The following JADE3 variants were observed in gnomAD, a reference collection of about 807,000 sequenced individuals.
The protein encoded by JADE3 is protein Jade-3.
A neutral mutation model predicts 50.1 loss-of-function variants in JADE3; 2 were observed. The observed-to-expected ratio is 0.04, with a 90% CI of 0.02 to 0.13. The LOEUF (loss-of-function observed/expected upper bound fraction) is 0.13, where lower values mean the gene tolerates loss of function less well. Among genes scored for constraint, JADE3 ranks in the 10% least tolerant of loss-of-function variants. The pLI, the probability that JADE3 is intolerant of heterozygous loss-of-function variation, is 1.00. For synonymous variants in JADE3, 218 were observed against 232.9 expected (o/e 0.94, Z 0.58); for missense variants, 475 against 634.4 (o/e 0.75, Z 2.70).
chrX:47,010,250 C>T (rs782762771), intron 4 of JADE3, among the ~76,000 whole-genome samples: 5 of 110,233 alleles, frequency 4.5e-5, no homozygotes, highest in Admixed American at 9.7e-5. Flanking sequence ...TATTTTGAGA[C>T]GGAGTTTCGC....
chrX:47,046,163 CAAAT>C (rs781989791), intron 8 of JADE3, among the ~76,000 whole-genome samples: 4 of 110,732 alleles, frequency 3.6e-5, no homozygotes, highest in Non-Finnish European at 7.6e-5. Context: ...AGAGAAACCC[CAAAT>C]AAATAAAATC....
intron 3 of JADE3, among the ~76,000 whole-genome samples, chrX:46,994,669 C>A (rs1928085759): frequency 8.9e-6 from 1 of 111,940 alleles, no homozygotes; most frequent in African/African-American, 3.3e-5. Flanking sequence ...CCAAACCATG[C>A]ACATTTTAAC....
Position 47,058,450 on chromosome X carries a change from A to G in JADE3, c.1845A>G (p.Glu615=), listed in dbSNP as rs1029959628. Reference sequence around the variant, plus strand: ...CCAGTCTCAGCCATTCTAGGAGTGAAGCAAAGGAGTCCAGTCCTGCTTGGA... The same window carrying G: ...CCAGTCTCAGCCATTCTAGGAGTGAGGCAAAGGAGTCCAGTCCTGCTTGGA... ...LLASLSHSRS[E]AKESSPAWRT... Residue 615 remains glutamate, a synonymous_variant, in exon 11 of 11, where the codon GAA becomes GAG. Coordinates refer to ENST00000614628, the MANE Select transcript of JADE3 (RefSeq NM_014735.5). 2 of 1,211,607 alleles carry G rather than the reference A, an allele frequency of 1.7e-6. No homozygotes were observed. Among genetic ancestry groups the G allele is most frequent in the Admixed American group, 4.3e-5 (2 of 45,988 alleles).
At chrX:46,949,210 A>T (rs1221767549) in intron 1 of JADE3, among the ~76,000 whole-genome samples, 1 of 111,393 alleles carries the variant, frequency 9.0e-6, no homozygotes, top group Non-Finnish European at 1.9e-5. Context: ...AAGAGCTGGG[A>T]TTATAGGCAT....
intron 8 of JADE3, among the ~76,000 whole-genome samples, chrX:47,047,768 A>G (rs1929409638): frequency 9.0e-6 from 1 of 111,619 alleles, no homozygotes; most frequent in Admixed American, 9.6e-5. Flanking sequence ...TTCTACTCCT[A>G]AGTATATACT....
At chrX:46,990,184 G>A (rs781951794) in intron 3 of JADE3, among the ~76,000 whole-genome samples, 3 of 111,742 alleles carry the variant, frequency 2.7e-5, no homozygotes, top group Non-Finnish European at 5.6e-5. Flanking sequence ...GGATCTCAGT[G>A]TTGATGCCTG....
chrX:47,044,740 T>C (rs1343876089), intron 8 of JADE3, among the ~76,000 whole-genome samples: 4 of 111,858 alleles, frequency 3.6e-5, no homozygotes, highest in Non-Finnish European at 5.6e-5. Flanking sequence ...ACATGGACAG[T>C]ATAATAAGAT....
intron 4 of JADE3, among the ~76,000 whole-genome samples, chrX:47,010,167 T>C (rs1480975253): frequency 9.0e-6 from 1 of 111,603 alleles, no homozygotes; most frequent in Non-Finnish European, 1.9e-5. Context: ...TTTTCATAAA[T>C]GTGCAGCTTG....
In JADE3 at chrX:47,054,342, G is replaced by T. The variant is rs782339639; in HGVS notation, c.1157G>T (p.Ser386Ile). 8.3e-7 allele frequency: 1 copy of T among 1,211,282 alleles called. No individual in the cohort carries two copies. Among genetic ancestry groups the T allele is most frequent in the Non-Finnish European group, 1.1e-6 (1 of 895,422 alleles). ...EYPHHRAKEQ[S>I]QAKSEKTSLR... ...CCCCACCACAGGGCTAAAGAGCAGA[G>T]CCAGGCCAAAAGTGAGAAAACCAGC... Residue 386 changes from serine to isoleucine, a missense_variant, in exon 9 of 11, where the codon AGC becomes ATC. Ser to Ile is a moderately radical substitution (Grantham distance 142, BLOSUM62 -2). Coordinates refer to ENST00000614628, the MANE Select transcript of JADE3 (RefSeq NM_014735.5).
Position 47,021,627 on chromosome X carries a change from T to A in JADE3, c.285-3097T>A, listed in dbSNP as rs1431946647. ...ATTTTCAATTTTTGGACAGTCTTTT[T>A]AAGTTTAATTATTCTGGTAGATAAT... On this transcript the variant is annotated intron_variant, in intron 4 of 10. Transcript: ENST00000614628. Among the ~76,000 whole-genome samples the A allele has an allele frequency of 5.3e-5, 6 of 112,295 alleles. No individual in the cohort carries two copies. The East Asian group carries it at 1.7e-3, about 31-fold the overall frequency.
At chrX:46,964,931 T>C (rs1199877989) in intron 1 of JADE3, among the ~76,000 whole-genome samples, 2 of 112,131 alleles carry the variant, frequency 1.8e-5, no homozygotes, top group Non-Finnish European at 3.8e-5. Flanking sequence ...ATCTAAAAGG[T>C]TGTGTAATAG....
At chrX:46,967,768 C>A (rs1363279003) in intron 1 of JADE3, among the ~76,000 whole-genome samples, 1 of 112,122 alleles carries the variant, frequency 8.9e-6, no homozygotes, top group African/African-American at 3.2e-5. Context: ...TTTTACAGAA[C>A]TAACAAGTGT....
chrX:46,925,697 G>T (rs188819136), intron 1 of JADE3, among the ~76,000 whole-genome samples: 2 of 109,607 alleles, frequency 1.8e-5, no homozygotes, highest in East Asian at 5.7e-4. Context: ...GGTGGCAGGC[G>T]CCTGTAGTCC....
At chrX:46,970,995 A>G (rs1556350126) in intron 1 of JADE3, among the ~76,000 whole-genome samples, 1 of 109,627 alleles carries the variant, frequency 9.1e-6, no homozygotes, top group African/African-American at 3.3e-5. Context: ...GATTTACTTT[A>G]CTCTTAAGAG....
chrX:46,940,156 GA>G (rs782350272), intron 1 of JADE3, among the ~76,000 whole-genome samples: 6 of 112,548 alleles, frequency 5.3e-5, no homozygotes, highest in Admixed American at 3.8e-4. Flanking sequence ...TGAACTGTGT[GA>G]AAAGGGTAGC....
At chrX:46,949,678 A>G (rs1223839461) in intron 1 of JADE3, among the ~76,000 whole-genome samples, 2 of 111,889 alleles carry the variant, frequency 1.8e-5, no homozygotes, top group African/African-American at 6.5e-5. Context: ...TAATCAAGAT[A>G]TAAAACATTT....
chrX:46,948,821 C>T (rs1156954058), intron 1 of JADE3, among the ~76,000 whole-genome samples: 1 of 111,730 alleles, frequency 9.0e-6, no homozygotes, highest in Non-Finnish European at 1.9e-5. Flanking sequence ...TTTCTTCTAC[C>T]GCAGGGGTTA....
intron 3 of JADE3, among the ~76,000 whole-genome samples, chrX:46,992,510 C>T (rs1414982941): frequency 9.0e-6 from 1 of 111,033 alleles, no homozygotes. Context: ...TGCCCTGTGT[C>T]TCCCTGCAGG....
intron 1 of JADE3, among the ~76,000 whole-genome samples, chrX:46,939,263 G>A (rs1405992796): frequency 5.4e-5 from 6 of 111,240 alleles, no homozygotes; most frequent in Admixed American, 4.8e-4. Context: ...ATGCCTGGAC[G>A]TGGGTTAATT....
Sources: gnomAD v4.1 joint callset for allele counts (sites outside exome capture counted in the v4.1 genomes callset) on GRCh38, gnomAD v4.1.1 for gene constraint, MANE v1.5 for transcripts, NCBI Gene and HGNC (gene_info 2026-07-23, HGNC 2026-07-21) for gene names.